NIN: variants seen among roughly 807,000 people sequenced by gnomAD.
The protein encoded by NIN is glycogen synthase kinase 3 beta-interacting protein.
In NIN, 137 loss-of-function variants were observed where a neutral mutation model predicts 257.6. The observed-to-expected ratio is 0.53, with a 90% CI of 0.46 to 0.61. The LOEUF is 0.61. Ranked by LOEUF, NIN falls within the 20% of genes least tolerant of loss-of-function variation. NIN has a pLI of 0.00. For synonymous variants in NIN, 918 were observed against 919.8 expected (o/e 1.00, Z 0.04); for missense variants, 2,439 against 2,501.2 (o/e 0.98, Z 0.53).
At chr14:50,826,361 G>A (rs1038365829) in intron 2 of NIN, among the ~76,000 whole-genome samples, 2 of 152,286 alleles carry the variant, frequency 1.3e-5, no homozygotes, top group Non-Finnish European at 2.9e-5. Context: ...TCTAACTGGG[G>A]ATGGTTAAAT....
chr14:50,723,336 T>C lies in NIN; in HGVS notation c.*127A>G, dbSNP rs1023883445. 2 of 700,016 alleles carry C rather than the reference T, an allele frequency of 2.9e-6. No homozygotes were observed. The highest frequency in any genetic ancestry group is 1.8e-5 in the African/African-American group (1 of 55,586). 43.4% of individuals were successfully genotyped at this position (700,016 alleles called of 1,614,324 possible). On this transcript the variant is annotated 3_prime_UTR_variant, in exon 31 of 31. Coordinates refer to ENST00000530997, the MANE Select transcript of NIN (RefSeq NM_020921.4). ...AGGGTCTATTTAGAAAAACTAATTA[T>C]GATAAATGGAAACTCCAGTTGTGTT...
intron 26 of NIN, among the ~76,000 whole-genome samples, chr14:50,738,785 G>A (rs900567496): frequency 1.3e-5 from 2 of 152,156 alleles, no homozygotes; most frequent in Non-Finnish European, 2.9e-5. Context: ...AAATATCTGC[G>A]ACTCTTCAGA....
chr14:50,721,881 C>T lies in NIN; in HGVS notation c.*1582G>A, dbSNP rs1255655033. The T allele has an allele frequency of 8.9e-6, 2 of 223,826 alleles. No individual in the cohort carries two copies. The highest frequency in any genetic ancestry group is 4.5e-5 in the African/African-American group (2 of 44,788). 13.9% of individuals were successfully genotyped at this position (223,826 alleles called of 1,614,324 possible). On this transcript the variant is annotated 3_prime_UTR_variant, in exon 31 of 31. Coordinates refer to ENST00000530997, the MANE Select transcript of NIN (RefSeq NM_020921.4). Reference sequence around the variant, plus strand: ...AAGCCCCCAAGAAACCCTGAAGTTCCCTGATGGAAATTATTTTGTTGAGAT... The same window carrying T: ...AAGCCCCCAAGAAACCCTGAAGTTCTCTGATGGAAATTATTTTGTTGAGAT...
At chr14:50,780,751 T>A (rs1188465828) in intron 5 of NIN, among the ~76,000 whole-genome samples, 1 of 152,206 alleles carries the variant, frequency 6.6e-6, no homozygotes, top group East Asian at 1.9e-4. Context: ...AGGCCATAAC[T>A]CAAAATGTTT....
chr14:50,770,640 C>T (rs1158888520), intron 11 of NIN, 78 bp from the exon 12 acceptor site: 2 of 1,510,064 alleles, frequency 1.3e-6, no homozygotes, highest in Admixed American at 3.7e-5. Flanking sequence ...AATGGAAACA[C>T]AGAGGCACAG....
chr14:50,806,781 A>G lies in NIN; in HGVS notation c.221T>C (p.Ile74Thr), dbSNP rs1166338510. The part of the protein sequence containing the change: ...FDQFKEALIL[I>T]LSRTLSNEEH... ...TTCATTTGACAGAGTTCTGGACAAGATGAGTATTAATGCTTCTTTAAATTG... is the reference window on the plus strand; with the variant it reads ...TTCATTTGACAGAGTTCTGGACAAGGTGAGTATTAATGCTTCTTTAAATTG... The change falls in exon 4 of 31, where the codon ATC (isoleucine) becomes ACC (threonine). Residue 74 changes from isoleucine (I) to threonine (T), a missense_variant. Around this residue, in one of 3 missense-constraint regions of NIN, gnomAD observed 387 missense variants for 427.3 expected, o/e 0.91. Coordinates refer to ENST00000530997, the MANE Select transcript of NIN (RefSeq NM_020921.4). 1 of 1,581,808 alleles carries G rather than the reference A, an allele frequency of 6.3e-7. No homozygotes were observed. The highest frequency in any genetic ancestry group is 8.7e-7 in the Non-Finnish European group (1 of 1,152,334).
At chr14:50,725,547 A>G (rs1206581506) in intron 30 of NIN, among the ~76,000 whole-genome samples, 1 of 152,102 alleles carries the variant, frequency 6.6e-6, no homozygotes, top group Non-Finnish European at 1.5e-5. Flanking sequence ...TTTAACCAAT[A>G]TCATTTTTCA....
chr14:50,730,941 G>A (rs2040662261), intron 28 of NIN: 3 of 1,347,552 alleles, frequency 2.2e-6, no homozygotes, highest in Middle Eastern at 4.2e-4. Flanking sequence ...ACTATCTCAG[G>A]CAGAGAACTG....
In NIN at chr14:50,754,602, A is replaced by T. The variant is rs2041941047; in HGVS notation, c.4695T>A (p.Asn1565Lys). 4 of 1,611,228 alleles carry T rather than the reference A, an allele frequency of 2.5e-6. No homozygotes were observed. Among genetic ancestry groups the T allele is most frequent in the Non-Finnish European group, 3.4e-6 (4 of 1,178,896 alleles). ...TTTCAACCATCTTCTGAACTGCAGC[A>T]TTTTCTTGTTTTACAGTTTCCGTTT... is the stretch of plus-strand genomic sequence containing the variant. ...WQKTETVKQE[N>K]AAVQKMVENL... Residue 1565 changes from asparagine (N) to lysine (K), a missense_variant, in exon 20 of 31, where the codon AAT becomes AAA. Physicochemically the swap from Asn to Lys is moderately conservative, Grantham distance 94. Coordinates refer to ENST00000530997, the MANE Select transcript of NIN (RefSeq NM_020921.4).
intron 23 of NIN, among the ~76,000 whole-genome samples, chr14:50,743,971 T>C (rs1434478452): frequency 1.3e-5 from 2 of 152,230 alleles, no homozygotes; most frequent in Non-Finnish European, 2.9e-5. Flanking sequence ...ATTTATATTA[T>C]AACAAAATAG....
At chr14:50,773,296 A>G (rs537319515) in intron 7 of NIN, among the ~76,000 whole-genome samples, 7 of 152,304 alleles carry the variant, frequency 4.6e-5, no homozygotes, top group African/African-American at 1.4e-4. Context: ...ATAAAAGTCA[A>G]TTTCCAACAT....
intron 4 of NIN, among the ~76,000 whole-genome samples, chr14:50,804,644 T>C (rs1253218229): frequency 6.6e-6 from 1 of 152,192 alleles, no homozygotes; most frequent in Non-Finnish European, 1.5e-5. Flanking sequence ...GAGCCAGATT[T>C]ATAAATATTA....
intron 21 of NIN, among the ~76,000 whole-genome samples, chr14:50,751,024 C>G (rs2181085): frequency 6.6e-6 from 1 of 151,900 alleles, no homozygotes; most frequent in Non-Finnish European, 1.5e-5. Context: ...ATAGATACTT[C>G]TTTGCACTTT....
At chr14:50,811,656 T>G (rs2044619833) in intron 3 of NIN, among the ~76,000 whole-genome samples, 1 of 148,212 alleles carries the variant, frequency 6.7e-6, no homozygotes, top group Non-Finnish European at 1.5e-5. Context: ...TCCCAGCACT[T>G]TGTGAGGCCA....
rs564407265 is a variant in NIN at position 50,786,868 on chromosome 14, C to T, written c.435+5844G>A. Among the ~76,000 whole-genome samples the T allele has an allele frequency of 2.0e-5, 3 of 152,292 alleles. No homozygotes were observed. In the East Asian group the frequency reaches 5.8e-4, roughly 29 times the overall value. ...ATGTAAATGAATAATTCATAAACTG[C>T]AAAGTTATGCATACATGAAAATGAA... On this transcript the variant is annotated intron_variant, in intron 5 of 30. Transcript: ENST00000530997.
chr14:50,763,706 C>G, intron 15 of NIN, 120 bp downstream of exon 15: 1 of 815,584 alleles, frequency 1.2e-6, no homozygotes, highest in Non-Finnish European at 1.8e-6. Context: ...AAGAGTATGG[C>G]CAAATTCTTT....
chr14:50,725,803 A>T, intron 30 of NIN, 150 bp downstream of exon 30: 2 of 1,434,036 alleles, frequency 1.4e-6, no homozygotes. Flanking sequence ...TATGAGGGAT[A>T]GCAAATCCTA....
chr14:50,791,847 C>A (rs1034674138), intron 5 of NIN, among the ~76,000 whole-genome samples: 1 of 98,086 alleles, frequency 1.0e-5, no homozygotes, highest in African/African-American at 3.0e-5. Flanking sequence ...ACAGAGTCCA[C>A]TGGCAATCTA....
At chr14:50,727,248 TTTTA>T in intron 29 of NIN, 1 of 957,474 alleles carries the variant, frequency 1.0e-6, no homozygotes, top group Non-Finnish European at 1.3e-6. Context: ...TTAAAATTTA[TTTTA>T]TTGTTTCATC....
Sources: gnomAD v4.1 joint callset for allele counts (sites outside exome capture counted in the v4.1 genomes callset) on GRCh38, gnomAD v4.1.1 for gene constraint, gnomAD v4.1.1 regional missense constraint, MANE v1.5 for transcripts, NCBI Gene and HGNC (gene_info 2026-07-23, HGNC 2026-07-21) for gene names.